The following CEP131 variants were observed in gnomAD, a reference collection of about 807,000 sequenced individuals.
The protein encoded by CEP131 is centrosomal protein 131.
CEP131 carries 99 observed loss-of-function variants against 136.8 expected under a neutral mutation model. The ratio of observed to expected loss-of-function variants is 0.72; its 90% confidence interval spans 0.62 to 0.86. The LOEUF (loss-of-function observed/expected upper bound fraction) is 0.86. Among genes scored for constraint, CEP131 ranks in the 40% least tolerant of loss-of-function variants. The pLI, the probability that CEP131 is intolerant of heterozygous loss-of-function variation, is 0.00. For missense variants in CEP131, 1,459 were observed against 1,463.0 expected, an observed-to-expected ratio of 1.00 and a Z score of 0.04; for synonymous variants, 646 against 612.7, an observed-to-expected ratio of 1.05 and a Z score of -0.80.
At position 81,190,961 on chromosome 17, in the gene CEP131, C is replaced by T. The variant is rs145199588; in HGVS notation, c.2889G>A (p.Leu963=). The T allele has an allele frequency of 2.6e-4, 419 of 1,605,760 alleles. No homozygotes were observed. The highest frequency in any genetic ancestry group is 3.2e-4 in the Non-Finnish European group (376 of 1,179,888). The change falls in exon 23 of 26, where the codon CTG becomes CTA. Residue 963 remains leucine, a synonymous_variant. Coordinates refer to ENST00000450824, the MANE Select transcript of CEP131 (RefSeq NM_014984.4). ...GQLGEAEGEN[L]RLQGLVRQKE... ...TCTGCCGCACAAGGCCCTGCAGACG[C>T]AGATTCTCGCCCTCGGCCTCCCCAA...
chr17:81,197,112 ACCTGACACGATGCCCCTGCGGC>A lies in CEP131; in HGVS notation c.1648-79_1648-58del, dbSNP rs1223967286. 3 of 1,539,900 alleles carry A rather than the reference ACCTGACACGATGCCCCTGCGGC, an allele frequency of 1.9e-6. No homozygotes were observed. The African/African-American group carries it at 4.1e-5, about 21-fold the overall frequency. ...GGCAGAGGACGGGGGGCAGCCAAGG[ACCTGACACGATGCCCCTGCGGC>A]CCTGCCCTCTGGGGACAGAGGGGCT... On this transcript the variant is annotated intron_variant, in intron 13 of 25. Coordinates refer to ENST00000450824, the MANE Select transcript of CEP131 (RefSeq NM_014984.4).
At chr17:81,202,458 G>A (rs2061914452) in intron 6 of CEP131, 60 bp from the exon 7 acceptor site, 3 of 1,557,654 alleles carry the variant, frequency 1.9e-6, no homozygotes, top group African/African-American at 2.7e-5. Context: ...TCTGCCCACA[G>A]GCAGCAGGTG....
chr17:81,202,234 G>A lies in CEP131; in HGVS notation c.788+6C>T, dbSNP rs201024685. 493 of 1,426,254 alleles carry A rather than the reference G, an allele frequency of 3.5e-4. 2 individuals carry two copies. The highest frequency in any genetic ancestry group is 1.2e-4 in the Non-Finnish European group (125 of 1,071,380). 88.3% of individuals were successfully genotyped at this position (1,426,254 alleles called of 1,614,324 possible). On this transcript the variant is annotated splice_donor_region_variant and intron_variant, in intron 7 of 25. Transcript: ENST00000450824. ...GGCCCCCCCCCACCGCCCCAAGATCGGTCACCTCTCAGCCTCCTCCTCCGT... is the reference window on the plus strand; with the variant it reads ...GGCCCCCCCCCACCGCCCCAAGATCAGTCACCTCTCAGCCTCCTCCTCCGT...
In CEP131 at chr17:81,199,492, G is replaced by A. The variant is rs768046489; in HGVS notation, c.1081C>T (p.Pro361Ser). Residue 361 changes from proline (P) to serine (S), a missense_variant, in exon 10 of 26, where the codon CCA (proline) becomes TCA (serine). This residue lies in a region of CEP131 where 246 missense variants were observed against 318.9 expected (regional missense o/e 0.77). Coordinates refer to ENST00000450824, the MANE Select transcript of CEP131 (RefSeq NM_014984.4). Reference protein sequence around the residue: ...AQKASTAERGPPENPRETRVP... With the variant: ...AQKASTAERGSPENPRETRVP... The stretch of plus-strand genomic sequence containing the variant: ...CTGGTCTCCCTGGGATTCTCAGGTG[G>A]CCCACGCTCGGCAGTGCTCGCCTTC... 6.2e-7 allele frequency: 1 copy of A among 1,608,976 alleles called. No homozygotes were observed. Among genetic ancestry groups the A allele is most frequent in the Non-Finnish European group, 8.5e-7 (1 of 1,178,356 alleles).
chr17:81,190,175 AT>A (rs1158122492), intron 24 of CEP131, among the ~76,000 whole-genome samples, 200 bp from the exon 25 acceptor site: 3 of 152,314 alleles, frequency 2.0e-5, no homozygotes, highest in African/African-American at 7.2e-5. Flanking sequence ...CCACTGGAGT[AT>A]GACCCTGGCC....
At position 81,196,126 on chromosome 17, in the gene CEP131, C is replaced by T. The variant is rs1029638330; in HGVS notation, c.1900-175G>A. ...CAGTGGGGGGGCACGTGTGCAAACA[C>T]GGGCCCAGGCCTGCATCCGCCGTCC... On this transcript the variant is annotated intron_variant, in intron 15 of 25. Coordinates refer to ENST00000450824, the MANE Select transcript of CEP131 (RefSeq NM_014984.4). Among the ~76,000 whole-genome samples the T allele has an allele frequency of 3.3e-5, 5 of 152,116 alleles. No individual in the cohort carries two copies. The South Asian group carries it at 8.3e-4, about 25-fold the overall frequency.
At chr17:81,191,390 A>G in intron 21 of CEP131, 55 bp from the exon 22 acceptor site, 2 of 1,599,624 alleles carry the variant, frequency 1.3e-6, no homozygotes, top group South Asian at 1.1e-5. Flanking sequence ...CCGCGGGGCC[A>G]GGGCCAGCCT....
Position 81,199,567 on chromosome 17 carries a change from C to T in CEP131, c.1024-18G>A, listed in dbSNP as rs1473960993. 1 of 1,599,978 alleles carries T rather than the reference C, an allele frequency of 6.3e-7. No homozygotes were observed. Among genetic ancestry groups the T allele is most frequent in the African/African-American group, 1.3e-5 (1 of 74,772 alleles). Reference sequence around the variant, plus strand: ...TGCAGCTCCTGCAGTGGGAGCATCGCTGAGCACTGTCCCTGGGAGAGGACG... The same window carrying T: ...TGCAGCTCCTGCAGTGGGAGCATCGTTGAGCACTGTCCCTGGGAGAGGACG... On this transcript the variant is annotated intron_variant, in intron 9 of 25. Transcript: ENST00000450824.
intron 7 of CEP131, among the ~76,000 whole-genome samples, chr17:81,201,282 A>G (rs1263882760): frequency 6.6e-6 from 1 of 152,108 alleles, no homozygotes; most frequent in Non-Finnish European, 1.5e-5. Context: ...TGGTCTCCCT[A>G]GCCCTAACTG....
chr17:81,190,855 T>C (rs956013703), intron 23 of CEP131, 52 bp downstream of exon 23: 2 of 1,592,620 alleles, frequency 1.3e-6, no homozygotes, highest in Non-Finnish European at 1.7e-6. Flanking sequence ...GCTGCGTGCA[T>C]GCAGGAGGGG....
intron 13 of CEP131, 139 bp downstream of exon 13, chr17:81,197,573 G>T: frequency 7.8e-7 from 1 of 1,276,398 alleles, no homozygotes; most frequent in Non-Finnish European, 1.0e-6. Flanking sequence ...CTGGGGGCCG[G>T]GTGGGGGCTG....
rs774289584 is a variant in CEP131, at chr17:81,191,010, C to T, written c.2840G>A (p.Arg947Gln). 20 of 1,609,808 alleles carry T rather than the reference C, an allele frequency of 1.2e-5. No homozygotes were observed. The highest frequency in any genetic ancestry group is 6.7e-5 in the Admixed American group (4 of 60,000). ...LEQSERKLQE[R>Q]CSELKGQLGE... ...AAGCTGGCCCTTCAGCTCCGAGCAC[C>T]GCTCCTGAAGCTTCCGCTCCGACTG... Residue 947 changes from arginine (R) to glutamine (Q), a missense_variant, in exon 23 of 26, where the codon CGG becomes CAG. Physicochemically the swap from Arg to Gln is conservative, Grantham distance 43. Transcript: ENST00000450824.
At chr17:81,216,308 G>A (rs1004839030) in intron 2 of CEP131, among the ~76,000 whole-genome samples, 2 of 151,096 alleles carry the variant, frequency 1.3e-5, no homozygotes, top group Non-Finnish European at 3.0e-5. Flanking sequence ...GCAGTGAGCC[G>A]AGATCTCACA....
intron 8 of CEP131, 142 bp downstream of exon 8, chr17:81,200,187 G>A (rs2061858737): frequency 1.4e-6 from 1 of 706,008 alleles, no homozygotes; most frequent in Non-Finnish European, 2.3e-6. Flanking sequence ...GGGACCCAGG[G>A]TCAAGAAGGA....
rs1188448794 is a variant in CEP131 at position 81,199,366 on chromosome 17, T to C, written c.1192+15A>G. ...TCCACCCCCCAGAGCAGGGCGGGCG[T>C]GGAGCCACTCTCACCAGTATTGTTG... On this transcript the variant is annotated intron_variant, in intron 10 of 25. Transcript: ENST00000450824. 7 of 1,590,866 alleles carry C rather than the reference T, an allele frequency of 4.4e-6. No homozygotes were observed. The highest frequency in any genetic ancestry group is 5.1e-6 in the Non-Finnish European group (6 of 1,172,296).
intron 5 of CEP131, among the ~76,000 whole-genome samples, chr17:81,205,097 A>G (rs1056732535): frequency 9.9e-5 from 15 of 151,828 alleles, no homozygotes; most frequent in Non-Finnish European, 1.5e-4. Flanking sequence ...CGTCTCTACT[A>G]AAAATACAAA....
chr17:81,211,934 GA>G (rs149683349), intron 2 of CEP131, among the ~76,000 whole-genome samples: 5,310 of 115,054 alleles, frequency 0.046, 155 homozygotes, highest in African/African-American at 0.096. Flanking sequence ...CCCTGTCTCT[GA>G]AAAAAAAAAA....
At chr17:81,196,589 G>A (rs1265617401) in intron 15 of CEP131, 112 bp downstream of exon 15, 11 of 1,443,306 alleles carry the variant, frequency 7.6e-6, no homozygotes, top group South Asian at 4.1e-5. Context: ...GCGGACACCC[G>A]TGTGACACCC....
intron 2 of CEP131, among the ~76,000 whole-genome samples, chr17:81,216,036 C>T (rs1049455312): frequency 6.6e-6 from 1 of 151,834 alleles, no homozygotes; most frequent in African/African-American, 2.4e-5. Flanking sequence ...GACCAGCAAC[C>T]TAGTGAGACC....
Sources: gnomAD v4.1 joint callset for allele counts (sites outside exome capture counted in the v4.1 genomes callset) on GRCh38, gnomAD v4.1.1 for gene constraint, gnomAD v4.1.1 regional missense constraint, MANE v1.5 for transcripts, NCBI Gene and HGNC (gene_info 2026-07-23, HGNC 2026-07-21) for gene names.